The following TRPM3 variants were observed in gnomAD, a reference collection of about 807,000 sequenced individuals.
The protein encoded by TRPM3 is long transient receptor potential channel 3.
Under a neutral mutation model 181.2 loss-of-function variants are expected in TRPM3, and 77 were observed. The ratio of observed to expected loss-of-function variants is 0.42; its 90% confidence interval spans 0.35 to 0.51. The LOEUF is 0.51. Among genes scored for constraint, TRPM3 ranks in the 20% least tolerant of loss-of-function variants. The probability of loss-of-function intolerance (pLI) is 0.01; values close to 1 mark genes in which losing one functional copy is unlikely to be tolerated. For missense variants in TRPM3, 1,759 were observed against 2,196.7 expected (o/e 0.80, Z 3.98); for synonymous variants, 745 against 796.4 (o/e 0.94, Z 1.09).
rs760699227 is a variant in TRPM3, at chr9:71,282,264, GA to G, written c.183+164388del. 3.9e-5 allele frequency among the ~76,000 whole-genome samples: 4 copies of G among 101,676 alleles called. 1 individual carries two copies. The highest frequency in any genetic ancestry group is 8.4e-5 in the Non-Finnish European group (4 of 47,704). The allele number at this position is 101,676 out of a possible 152,430, so 66.7% of individuals were successfully genotyped here. ...GAATGAAAGAAAGAAAGAAAGGAAA[GA>G]AAGAGAGAAAGAAAGAAAAGAAAGA... On this transcript the variant is annotated intron_variant, in intron 1 of 24. Transcript: ENST00000357533.
At chr9:71,429,731 C>G (rs1336310148) in intron 1 of TRPM3, among the ~76,000 whole-genome samples, 1 of 152,194 alleles carries the variant, frequency 6.6e-6, no homozygotes, top group African/African-American at 2.4e-5. Flanking sequence ...ACACAGTCCC[C>G]CAATTCATAG....
intron 1 of TRPM3, among the ~76,000 whole-genome samples, chr9:71,102,087 T>C (rs1328645790): frequency 6.6e-6 from 1 of 152,182 alleles, no homozygotes; most frequent in Non-Finnish European, 1.5e-5. Flanking sequence ...AAATCAGAAA[T>C]GACATCATAG....
upstream of TRPM3, chr9:71,121,704 G>C (rs551524985): frequency 1.0e-6 from 1 of 964,124 alleles, no homozygotes; most frequent in Non-Finnish European, 1.3e-6. Flanking sequence ...TGCTAGCTTG[G>C]TTTGGGGGGG....
intron 1 of TRPM3, among the ~76,000 whole-genome samples, chr9:70,922,221 A>C (rs1444789404): frequency 6.6e-6 from 1 of 152,160 alleles, no homozygotes; most frequent in Admixed American, 6.5e-5. Context: ...CCACTTTTGT[A>C]CTAACTACAT....
chr9:70,602,387 G>A (rs1481171738), intron 20 of TRPM3, among the ~76,000 whole-genome samples: 1 of 152,160 alleles, frequency 6.6e-6, no homozygotes, highest in East Asian at 1.9e-4. Context: ...TTGTGGATTT[G>A]TAGGAGTCCT....
At chr9:70,881,084 A>AT (rs1020119260) in intron 1 of TRPM3, among the ~76,000 whole-genome samples, 3 of 151,924 alleles carry the variant, frequency 2.0e-5, no homozygotes, top group Admixed American at 6.6e-5. Context: ...TTTTTGTTAA[A>AT]TTTTTTTTAA....
At chr9:70,956,539 T>C (rs1334022148) in intron 1 of TRPM3, among the ~76,000 whole-genome samples, 1 of 152,168 alleles carries the variant, frequency 6.6e-6, no homozygotes, top group Non-Finnish European at 1.5e-5. Flanking sequence ...CATATATTTA[T>C]ATGCATATCC....
intron 6 of TRPM3, among the ~76,000 whole-genome samples, chr9:70,803,778 CACA>C (rs111254180): frequency 0.16 from 24,755 of 151,816 alleles, 2,931 homozygotes; most frequent in African/African-American, 0.33. Context: ...TATAGCAAGC[CACA>C]ACAATTCCTG....
upstream of TRPM3, among the ~76,000 whole-genome samples, chr9:71,122,610 A>G (rs936290945): frequency 6.6e-6 from 1 of 152,216 alleles, no homozygotes; most frequent in Admixed American, 6.5e-5. Flanking sequence ...ACTATTATGC[A>G]GTCAGAGCTG....
At chr9:70,963,595 T>C (rs144936114) in intron 1 of TRPM3, among the ~76,000 whole-genome samples, 164 of 152,198 alleles carry the variant, frequency 1.1e-3, no homozygotes, top group Admixed American at 3.4e-3. Context: ...TGCATTGATA[T>C]TTTGTGCGCT....
At chr9:71,253,366 TA>T (rs2082470165) in intron 1 of TRPM3, among the ~76,000 whole-genome samples, 1 of 152,130 alleles carries the variant, frequency 6.6e-6, no homozygotes, top group African/African-American at 2.4e-5. Flanking sequence ...CATTTGGCAA[TA>T]TTTAAAGACA....
intron 22 of TRPM3, among the ~76,000 whole-genome samples, chr9:70,581,435 C>T (rs941001466): frequency 1.8e-4 from 28 of 152,260 alleles, no homozygotes; most frequent in African/African-American, 6.5e-4. Context: ...TGGACAGTAT[C>T]TTGCAAAAGA....
chr9:71,168,535 GATTTATTTATTT>G (rs1157301406), intron 1 of TRPM3, among the ~76,000 whole-genome samples: 4,799 of 67,742 alleles, frequency 0.071, 289 homozygotes, highest in African/African-American at 0.13. Context: ...TTTAAGGTGT[GATTTATTTATTT>G]ATTTATTTAT....
chr9:71,180,147 C>T (rs551078712), intron 1 of TRPM3, among the ~76,000 whole-genome samples: 6 of 149,068 alleles, frequency 4.0e-5, no homozygotes, highest in South Asian at 2.2e-4. Flanking sequence ...CTCCACATCC[C>T]GGGTTCAAGT....
intron 1 of TRPM3, among the ~76,000 whole-genome samples, chr9:70,972,407 T>A (rs1039959815): frequency 6.6e-6 from 1 of 152,178 alleles, no homozygotes; most frequent in South Asian, 2.1e-4. Flanking sequence ...TCCACTTACA[T>A]TAAATGTTCA....
At chr9:71,280,856 G>A (rs2084652240) in intron 1 of TRPM3, among the ~76,000 whole-genome samples, 1 of 152,116 alleles carries the variant, frequency 6.6e-6, no homozygotes, top group Non-Finnish European at 1.5e-5. Context: ...ATTCAAGGAG[G>A]AACTCTCTGA....
chr9:71,420,667 GAA>G (rs1298592088), intron 1 of TRPM3, among the ~76,000 whole-genome samples: 8 of 120,518 alleles, frequency 6.6e-5, no homozygotes, highest in Non-Finnish European at 1.0e-4. Context: ...AAAAGAGAAA[GAA>G]AGAGAGAAAG....
In TRPM3 at chr9:71,107,111, G is replaced by A. The variant is rs141603143; in HGVS notation, c.177+14067C>T. 4.7e-4 allele frequency among the ~76,000 whole-genome samples: 71 copies of A among 152,202 alleles called. 1 individual carries two copies. In the East Asian group the frequency reaches 0.01, roughly 22 times the overall value. ...TAGGCAGACTGTTAAACAAGAATGAGCTGTACATCAAAGCAGTATACATTA... is the reference window on the plus strand; with the variant it reads ...TAGGCAGACTGTTAAACAAGAATGAACTGTACATCAAAGCAGTATACATTA... On this transcript the variant is annotated intron_variant, in intron 1 of 25. Coordinates refer to ENST00000677713, the MANE Select transcript of TRPM3 (RefSeq NM_001366145.2).
At chr9:70,852,769 C>T (rs1164538895) in intron 3 of TRPM3, among the ~76,000 whole-genome samples, 1 of 152,128 alleles carries the variant, frequency 6.6e-6, no homozygotes, top group Non-Finnish European at 1.5e-5. Context: ...CTGAGGCTTT[C>T]CTCACTTCTC....
Sources: allele counts gnomAD v4.1 joint callset (sites outside exome capture counted in the v4.1 genomes callset), GRCh38; gene constraint gnomAD v4.1.1; transcripts MANE v1.5; gene names NCBI Gene and HGNC (gene_info 2026-07-23, HGNC 2026-07-21).